Variants in GLI1 observed in about 807,000 individuals in gnomAD.
GLI1 encodes the protein GLI family zinc finger 1, also known as transcription activator GLI1.
GLI1 carries 51 observed loss-of-function variants against 87.8 expected under a neutral mutation model. That is an observed-to-expected ratio of 0.58 (90% CI 0.46 to 0.73). The LOEUF (loss-of-function observed/expected upper bound fraction) is 0.73. GLI1 is among the 30% of genes least tolerant of loss of function. The pLI, the probability that GLI1 is intolerant of heterozygous loss-of-function variation, is 0.00. For missense variants in GLI1, 1,292 were observed against 1,437.2 expected (o/e 0.90, Z 1.63); for synonymous variants, 528 against 558.2 (o/e 0.95, Z 0.76).
intron 1 of GLI1, among the ~76,000 whole-genome samples, chr12:57,460,738 G>A (rs1014224771): frequency 6.6e-6 from 1 of 151,378 alleles, no homozygotes; most frequent in African/African-American, 2.4e-5. Flanking sequence ...TTGTGCTTTA[G>A]GGGAAAGGAG....
At chr12:57,462,525 A>G (rs1442120914) in intron 1 of GLI1, among the ~76,000 whole-genome samples, 2 of 150,186 alleles carry the variant, frequency 1.3e-5, no homozygotes, top group Non-Finnish European at 3.0e-5. Flanking sequence ...GGAGTTTGAA[A>G]AGAAAAACGG....
chr12:57,465,073 C>A (rs1395771334), intron 4 of GLI1, 38 bp from the exon 5 acceptor site: 3 of 1,606,450 alleles, frequency 1.9e-6, no homozygotes, highest in Admixed American at 1.7e-5. Context: ...CCTGAGACTT[C>A]CTAATTGTCT....
In GLI1 at chr12:57,465,894, A is replaced by G. The variant is rs1471642360; in HGVS notation, c.731A>G (p.Gln244Arg). ...ETDCRWDGCS[Q>R]EFDSQEQLVH... The stretch of plus-strand genomic sequence containing the variant: ...GACTGCCGTTGGGATGGCTGCAGCC[A>G]GGAATTTGACTCCCAAGAGCAGCTG... Residue 244 changes from glutamine to arginine, a missense_variant, in exon 7 of 12, where the codon CAG becomes CGG. This residue lies in a region of GLI1 where 383 missense variants were observed against 368.4 expected (regional missense o/e 1.04). Transcript: ENST00000228682. The G allele has an allele frequency of 6.2e-7, 1 of 1,614,126 alleles. No individual in the cohort carries two copies.
chr12:57,463,718 A>T lies in GLI1; in HGVS notation c.27A>T (p.Pro9=). The T allele has an allele frequency of 6.2e-7, 1 of 1,612,438 alleles. No individual in the cohort carries two copies. The highest frequency in any genetic ancestry group is 2.2e-5 in the East Asian group (1 of 44,868). ...TGTTCAACTCGATGACCCCACCACCAATCAGTAGCTATGGCGAGCCCTGCT... is the reference window on the plus strand; with the variant it reads ...TGTTCAACTCGATGACCCCACCACCTATCAGTAGCTATGGCGAGCCCTGCT... MFNSMTPP[P]ISSYGEPCCL... is the part of the protein sequence containing the mutation. The change falls in exon 2 of 12, where the codon CCA becomes CCT. Residue 9 remains proline, a synonymous_variant. Coordinates refer to ENST00000228682, the MANE Select transcript of GLI1 (RefSeq NM_005269.3).
At chr12:57,470,198 C>T (rs1871773636) in intron 11 of GLI1, 119 bp from the exon 12 acceptor site, 1 of 740,318 alleles carries the variant, frequency 1.4e-6, no homozygotes, top group Non-Finnish European at 2.3e-6. Flanking sequence ...ACAGAACAGA[C>T]TGGTTAGGGA....
chr12:57,461,645 C>T (rs1871143938), intron 1 of GLI1, among the ~76,000 whole-genome samples: 1 of 152,236 alleles, frequency 6.6e-6, no homozygotes, highest in South Asian at 2.1e-4. Flanking sequence ...TGTGGCCCGC[C>T]CCTCAGCCCC....
Position 57,472,245 on chromosome 12 carries a change from A to T in GLI1, c.*184A>T. On this transcript the variant is annotated 3_prime_UTR_variant, in exon 12 of 12. Transcript: ENST00000228682. ...TTGATAATGACACTGTTTCCTGATA[A>T]TAAAGGAACTGCATCAGAAAAAATA... 1.7e-6 allele frequency: 1 copy of T among 597,160 alleles called. No homozygotes were observed. The highest frequency in any genetic ancestry group is 2.4e-5 in the South Asian group (1 of 41,598). 37.0% of individuals were successfully genotyped at this position (597,160 alleles called of 1,614,324 possible). A position where few individuals can be genotyped will look rare whatever the true frequency, so the allele number is the denominator to read the frequency against.
rs1289476480 is a variant in GLI1, at chr12:57,464,721, G to C, written c.242G>C (p.Arg81Pro). The C allele has an allele frequency of 1.9e-6, 3 of 1,613,946 alleles. No homozygotes were observed. Among genetic ancestry groups the C allele is most frequent in the South Asian group, 1.1e-5 (1 of 91,078 alleles). ...PRSAVKLTKK[R>P]ALSISPLSDA... ...AGTGCAGTCAAGTTGACCAAGAAGCGGGCACTGTCCATCTCACCTCTGTCG... is the reference window on the plus strand; with the variant it reads ...AGTGCAGTCAAGTTGACCAAGAAGCCGGCACTGTCCATCTCACCTCTGTCG... The change falls in exon 4 of 12, where the codon CGG becomes CCG. Residue 81 changes from arginine (R) to proline (P), a missense_variant. By Grantham distance (103) the Arg-to-Pro change is moderately radical. Coordinates refer to ENST00000228682, the MANE Select transcript of GLI1 (RefSeq NM_005269.3).
intron 3 of GLI1, 83 bp downstream of exon 3, chr12:57,464,174 A>C: frequency 7.5e-6 from 7 of 930,502 alleles, no homozygotes; most frequent in Non-Finnish European, 1.2e-5. Context: ...AGGGGATCTC[A>C]CTTGGAGGAG....
chr12:57,472,172 G>T lies in GLI1; in HGVS notation c.*111G>T, dbSNP rs565846806. ...GCACAAGATGCCCCAGGGATGGGAG[G>T]TATGGGCTGGGGGCTATGTATAGTC... is the stretch of plus-strand genomic sequence containing the variant. On this transcript the variant is annotated 3_prime_UTR_variant, in exon 12 of 12. Coordinates refer to ENST00000228682, the MANE Select transcript of GLI1 (RefSeq NM_005269.3). 4.2e-6 allele frequency: 3 copies of T among 711,470 alleles called. No individual in the cohort carries two copies. Among genetic ancestry groups the T allele is most frequent in the South Asian group, 4.3e-5 (2 of 46,102 alleles). The allele number at this position is 711,470 out of a possible 1,614,324, so 44.1% of individuals were successfully genotyped here.
In GLI1 at chr12:57,471,788, G is replaced by T; in HGVS notation, c.3048G>T (p.Val1016=). 2 of 1,563,006 alleles carry T rather than the reference G, an allele frequency of 1.3e-6. No homozygotes were observed. The highest frequency in any genetic ancestry group is 1.7e-6 in the Non-Finnish European group (2 of 1,154,068). ...GTNPSCGHPE[V]GRLGGGPALY... The stretch of plus-strand genomic sequence containing the variant: ...ACCCCAGCTGTGGTCATCCTGAGGT[G>T]GGCAGGCTAGGAGGGGGTCCTGCCT... Residue 1016 remains valine (V), a synonymous_variant, in exon 12 of 12, where the codon GTG becomes GTT. Transcript: ENST00000228682. This position sits in a 1 kb window ranked among gnomAD's most constrained non-coding sequence, Gnocchi z 4.9.
At chr12:57,465,512 G>A in intron 5 of GLI1, 95 bp from the exon 6 acceptor site, 1 of 1,005,630 alleles carries the variant, frequency 9.9e-7, no homozygotes, top group South Asian at 1.4e-5. Flanking sequence ...CCAGCTGCTT[G>A]GGTGGGGGCA....
intron 1 of GLI1, chr12:57,460,450 C>T (rs1871061769): frequency 1.3e-5 from 2 of 152,300 alleles, no homozygotes; most frequent in South Asian, 4.1e-4. Context: ...GGGTCTTTGT[C>T]TCCGCCTCTC....
rs1434036639 is a variant in GLI1, at chr12:57,470,926, C to G, written c.2186C>G (p.Thr729Ser). 6.2e-7 allele frequency: 1 copy of G among 1,614,006 alleles called. No individual in the cohort carries two copies. The highest frequency in any genetic ancestry group is 1.3e-5 in the African/African-American group (1 of 75,048). Residue 729 changes from threonine (T) to serine (S), a missense_variant, in exon 12 of 12, where the codon ACT (threonine) becomes AGT (serine). Physicochemically the swap from Thr to Ser is moderately conservative, Grantham distance 58. This residue lies in a region of GLI1 where 897 missense variants were observed against 1,040.7 expected (regional missense o/e 0.86). Coordinates refer to ENST00000228682, the MANE Select transcript of GLI1 (RefSeq NM_005269.3). Reference protein sequence around the residue: ...NPYMDFPPTDTLGYGGPEGAA... With the variant: ...NPYMDFPPTDSLGYGGPEGAA... Reference sequence around the variant, plus strand: ...TATATGGACTTCCCACCTACTGATACTCTGGGATATGGGGGACCTGAAGGG... The same window carrying G: ...TATATGGACTTCCCACCTACTGATAGTCTGGGATATGGGGGACCTGAAGGG...
intron 11 of GLI1, 112 bp downstream of exon 11, chr12:57,469,810 A>G: frequency 1.1e-6 from 1 of 916,176 alleles, no homozygotes; most frequent in Non-Finnish European, 1.6e-6. Context: ...TATAATTAGA[A>G]AATGGTGTCC....
chr12:57,465,716 C>T lies in GLI1; in HGVS notation c.624+20C>T, dbSNP rs2139854298. The T allele has an allele frequency of 1.9e-6, 3 of 1,613,402 alleles. No homozygotes were observed. Among genetic ancestry groups the T allele is most frequent in the East Asian group, 4.5e-5 (2 of 44,878 alleles). On this transcript the variant is annotated intron_variant, in intron 6 of 11. Coordinates refer to ENST00000228682, the MANE Select transcript of GLI1 (RefSeq NM_005269.3). The stretch of plus-strand genomic sequence containing the variant: ...ATACAGGTAAGGGGATGGGCAGGAG[C>T]TTTACCTCTGGGACCTGAGCAAAAC...
At chr12:57,467,233 G>A (rs553379502) in intron 8 of GLI1, 100 bp from the exon 9 acceptor site, 4 of 1,009,980 alleles carry the variant, frequency 4.0e-6, no homozygotes, top group Admixed American at 5.0e-5. Flanking sequence ...TTCATCTTGA[G>A]TTATATTCTC....
intron 5 of GLI1, 101 bp from the exon 6 acceptor site, chr12:57,465,506 C>A (rs1871416724): frequency 4.1e-6 from 4 of 965,308 alleles, no homozygotes; most frequent in Non-Finnish European, 4.8e-6. Flanking sequence ...GAGGTTCCAG[C>A]TGCTTGGGTG....
rs368194993 is a variant in GLI1 at position 57,469,471 on chromosome 12, G to A, written c.1349G>A (p.Ser450Asn). The change falls in exon 11 of 12, where the codon AGT becomes AAT. Residue 450 changes from serine (S) to asparagine (N), a missense_variant. Ser to Asn is a conservative substitution (Grantham distance 46, BLOSUM62 1). Transcript: ENST00000228682. ...PSPGAQSSCS[S>N]DHSPAGSAAN... ...CCTGGGGCCCAGTCATCCTGCAGCA[G>A]TGACCACTCCCCGGCAGGGAGTGCA... The A allele has an allele frequency of 1.2e-5, 20 of 1,613,988 alleles. No homozygotes were observed. The African/African-American group carries it at 2.7e-4, about 22-fold the overall frequency.
Sources: allele counts gnomAD v4.1 joint callset (sites outside exome capture counted in the v4.1 genomes callset), GRCh38; gene constraint gnomAD v4.1.1; regional missense constraint gnomAD v4.1.1; non-coding constraint Gnocchi (gnomAD v3.1); transcripts MANE v1.5; gene names NCBI Gene and HGNC (gene_info 2026-07-23, HGNC 2026-07-21).